Variants in IQCK observed in about 807,000 individuals in gnomAD.
IQCK encodes IQ domain-containing protein K.
A neutral mutation model predicts 28.1 loss-of-function variants in IQCK; 29 were observed. The ratio of observed to expected loss-of-function variants is 1.03; its 90% confidence interval spans 0.77 to 1.41. The LOEUF is 1.41. IQCK is among the 40% of genes most tolerant of loss of function. The pLI, the probability that IQCK is intolerant of heterozygous loss-of-function variation, is 0.00. For missense variants in IQCK, 359 were observed against 314.7 expected (o/e 1.14, Z -1.07); for synonymous variants, 113 against 115.1 (o/e 0.98, Z 0.12).
chr16:19,742,022 A>G (rs955711659), intron 4 of IQCK, among the ~76,000 whole-genome samples: 3 of 152,154 alleles, frequency 2.0e-5, no homozygotes, highest in African/African-American at 7.2e-5. Context: ...TTGTTCACTT[A>G]TAAGAGTGGA....
At chr16:19,735,415 C>G (rs1977982717) in exon 4 of IQCK, 2 of 1,613,958 alleles carry the variant, frequency 1.2e-6, no homozygotes, top group Non-Finnish European at 1.7e-6. Context: ...AATGGCTAGC[C>G]TGCTTCACCA....
At chr16:19,747,512 ATGTG>A (rs2151695878) in intron 4 of IQCK, among the ~76,000 whole-genome samples, 1 of 151,524 alleles carries the variant, frequency 6.6e-6, no homozygotes, top group African/African-American at 2.4e-5. Flanking sequence ...TTTTAAGTAA[ATGTG>A]TGGGGTTTAA....
chr16:19,744,396 C>T (rs2054878317), intron 4 of IQCK, among the ~76,000 whole-genome samples: 1 of 152,092 alleles, frequency 6.6e-6, no homozygotes, highest in Non-Finnish European at 1.5e-5. Flanking sequence ...TTCCCAAAGT[C>T]CTGGGATTAC....
At chr16:19,850,047 A>G (rs2056463095) in intron 9 of IQCK, among the ~76,000 whole-genome samples, 1 of 152,250 alleles carries the variant, frequency 6.6e-6, no homozygotes, top group African/African-American at 2.4e-5. Context: ...TCATGTTTTT[A>G]TGGCTTCATT....
intron 9 of IQCK, among the ~76,000 whole-genome samples, chr16:19,848,058 G>T (rs1204506608): frequency 6.6e-6 from 1 of 152,186 alleles, no homozygotes; most frequent in African/African-American, 2.4e-5. Context: ...TGGGTTATAT[G>T]TTTAATTCTA....
chr16:19,824,500 G>C (rs527444598), intron 7 of IQCK, among the ~76,000 whole-genome samples: 3 of 152,324 alleles, frequency 2.0e-5, no homozygotes, highest in Admixed American at 2.0e-4. Context: ...TGTGGCTGCA[G>C]GGGCTGGGTA....
At chr16:19,728,972 A>C (rs1398203621) in intron 1 of IQCK, among the ~76,000 whole-genome samples, 2 of 152,162 alleles carry the variant, frequency 1.3e-5, no homozygotes, top group East Asian at 3.8e-4. Flanking sequence ...ATTTTTCCTC[A>C]TGACTGTAAG....
exon 1 of IQCK, chr16:19,718,444 C>T: frequency 6.2e-7 from 1 of 1,606,406 alleles, no homozygotes; most frequent in Non-Finnish European, 8.5e-7. Context: ...CGTGGCAGGT[C>T]ACCGAGCCGT....
chr16:19,831,683 G>A (rs1050599223), downstream of IQCK, among the ~76,000 whole-genome samples: 1 of 150,982 alleles, frequency 6.6e-6, no homozygotes, highest in African/African-American at 2.4e-5. Flanking sequence ...GCTCATCTAT[G>A]TACAAATCCA....
intron 7 of IQCK, among the ~76,000 whole-genome samples, chr16:19,820,521 C>T (rs1417620768): frequency 2.6e-5 from 4 of 151,894 alleles, no homozygotes; most frequent in Non-Finnish European, 4.4e-5. Flanking sequence ...CAGGGGCGGG[C>T]GCCTGTAGTC....
intron 3 of IQCK, among the ~76,000 whole-genome samples, chr16:19,734,583 C>T (rs1452649762): frequency 1.3e-5 from 2 of 150,968 alleles, no homozygotes; most frequent in Non-Finnish European, 2.9e-5. Context: ...GAGCTGAGAT[C>T]GCACCACTGC....
chr16:19,754,456 G>A (rs565702553), intron 4 of IQCK, among the ~76,000 whole-genome samples: 7 of 152,242 alleles, frequency 4.6e-5, no homozygotes, highest in East Asian at 1.9e-4. Flanking sequence ...TCCATGTAAC[G>A]TAAAATTTTC....
At chr16:19,756,896 C>CAAAA (rs34600488) in intron 4 of IQCK, among the ~76,000 whole-genome samples, 1 of 96,198 alleles carries the variant, frequency 1.0e-5, no homozygotes, top group African/African-American at 3.2e-5. Flanking sequence ...GGCTCCATGT[C>CAAAA]AAAAAAAAAA....
intron 7 of IQCK, among the ~76,000 whole-genome samples, chr16:19,820,787 A>G (rs74967595): frequency 3.3e-5 from 5 of 152,330 alleles, no homozygotes; most frequent in African/African-American, 1.2e-4. Flanking sequence ...AGAAGCGTAT[A>G]GTGTCCAAAA....
intron 1 of IQCK, 99 bp downstream of exon 1, chr16:19,718,586 G>C (rs952159144): frequency 1.3e-5 from 15 of 1,124,056 alleles, no homozygotes; most frequent in Admixed American, 4.1e-5. Context: ...CTGACGGGCG[G>C]GGCCGCCGGG....
chr16:19,830,014 C>CGAATGAAT (rs36097422), downstream of IQCK, among the ~76,000 whole-genome samples: 306 of 151,490 alleles, frequency 2.0e-3, no homozygotes, highest in Non-Finnish European at 3.0e-3. Flanking sequence ...ATCAGTTGAA[C>CGAATGAAT]GAATGAATGA....
At chr16:19,744,527 T>G (rs2054880695) in intron 4 of IQCK, among the ~76,000 whole-genome samples, 1 of 152,240 alleles carries the variant, frequency 6.6e-6, no homozygotes, top group South Asian at 2.1e-4. Flanking sequence ...TGGTGGAGAT[T>G]ACAATTGGGA....
At chr16:19,853,098 G>A (rs764737992) in intron 9 of IQCK, among the ~76,000 whole-genome samples, 3 of 152,164 alleles carry the variant, frequency 2.0e-5, no homozygotes, top group Non-Finnish European at 4.4e-5. Flanking sequence ...GTACACGTAT[G>A]GAAGGGTTTC....
chr16:19,763,564 T>C (rs1737130865), intron 4 of IQCK, among the ~76,000 whole-genome samples: 1 of 152,194 alleles, frequency 6.6e-6, no homozygotes, highest in African/African-American at 2.4e-5. Flanking sequence ...TGCCTCAGCC[T>C]CCTGAGTAGC....
Sources: allele counts gnomAD v4.1 joint callset (sites outside exome capture counted in the v4.1 genomes callset), GRCh38; gene constraint gnomAD v4.1.1; transcripts MANE v1.5; gene names NCBI Gene and HGNC (gene_info 2026-07-23, HGNC 2026-07-21).